The following ADGRV1 variants were observed in gnomAD, a reference collection of about 807,000 sequenced individuals.
ADGRV1 encodes the protein G-protein coupled receptor 98.
ADGRV1 carries 359 observed loss-of-function variants against 596.2 expected under a neutral mutation model. The ratio of observed to expected loss-of-function variants is 0.60; its 90% CI spans 0.55 to 0.66. The LOEUF (loss-of-function observed/expected upper bound fraction) is 0.66. ADGRV1 is among the 30% of genes least tolerant of loss of function. The pLI is 0.00. For synonymous variants in ADGRV1, 2,681 were observed against 2,679.2 expected (o/e 1.00, Z -0.02); for missense variants, 7,274 against 7,575.6 (o/e 0.96, Z 1.48).
At chr5:90,903,670 T>C (rs1041306221) in intron 83 of ADGRV1, among the ~76,000 whole-genome samples, 10 of 152,042 alleles carry the variant, frequency 6.6e-5, no homozygotes, top group Admixed American at 4.6e-4. Context: ...ATTTACACAG[T>C]ACGTGACATG....
rs372503401 is a variant in ADGRV1, at chr5:90,811,442, G to T, written c.16078+104G>T. On this transcript the variant is annotated intron_variant, in intron 74 of 89. Coordinates refer to ENST00000405460, the MANE Select transcript of ADGRV1 (RefSeq NM_032119.4). ...TAATGGAAGAAGGTGAAGTTCTTAA[G>T]TTATTCATAGGAATGCATTAAAGTG... 12 of 1,090,450 alleles carry T rather than the reference G, an allele frequency of 1.1e-5. No homozygotes were observed. The African/African-American group carries it at 1.4e-4, about 13-fold the overall frequency. 67.5% of individuals were successfully genotyped at this position (1,090,450 alleles called of 1,614,324 possible). A position where few individuals can be genotyped will look rare whatever the true frequency, so the allele number is the denominator to read the frequency against.
intron 87 of ADGRV1, among the ~76,000 whole-genome samples, chr5:91,130,170 C>A (rs1794092076): frequency 6.6e-6 from 1 of 150,854 alleles, no homozygotes; most frequent in Non-Finnish European, 1.5e-5. Flanking sequence ...TTCCATTCAG[C>A]TAAAGTCATC....
At chr5:91,079,537 C>T (rs1473894233) in intron 86 of ADGRV1, among the ~76,000 whole-genome samples, 1 of 152,130 alleles carries the variant, frequency 6.6e-6, no homozygotes, top group Non-Finnish European at 1.5e-5. Flanking sequence ...ACTCCTAGAA[C>T]AATAACATCA....
At chr5:91,045,466 A>C (rs1181446734) in intron 85 of ADGRV1, among the ~76,000 whole-genome samples, 1 of 152,206 alleles carries the variant, frequency 6.6e-6, no homozygotes, top group Non-Finnish European at 1.5e-5. Flanking sequence ...GATGCAGAAA[A>C]AGCATTTGAC....
intron 59 of ADGRV1, among the ~76,000 whole-genome samples, chr5:90,771,828 CTA>C (rs1339908491): frequency 6.6e-6 from 1 of 152,120 alleles, no homozygotes; most frequent in Non-Finnish European, 1.5e-5. Context: ...CTTGATTGAG[CTA>C]AGTAGGCTCT....
chr5:90,804,737 C>T (rs1321040404), intron 71 of ADGRV1, among the ~76,000 whole-genome samples: 3 of 151,902 alleles, frequency 2.0e-5, no homozygotes, highest in Admixed American at 6.6e-5. Context: ...ACCCTGGGAA[C>T]GTTGCACATA....
chr5:90,717,190 A>G (rs965869779), intron 43 of ADGRV1: 1 of 152,474 alleles, frequency 6.6e-6, no homozygotes, highest in Admixed American at 6.5e-5. Flanking sequence ...AAAATGCTGG[A>G]TTTGGGATAA....
chr5:90,635,079 A>G (rs1468085796), intron 9 of ADGRV1, 35 bp from the exon 10 acceptor site: 2 of 1,393,714 alleles, frequency 1.4e-6, no homozygotes, highest in African/African-American at 1.4e-5. Flanking sequence ...TATTCTATCA[A>G]TTCTTACTAC....
chr5:91,118,605 A>G (rs776271271), intron 87 of ADGRV1, among the ~76,000 whole-genome samples: 4 of 152,038 alleles, frequency 2.6e-5, no homozygotes, highest in Non-Finnish European at 5.9e-5. Flanking sequence ...AATAAATAAT[A>G]CATAAATGCA....
In ADGRV1 at chr5:90,647,616, AAG is replaced by A; in HGVS notation, c.3151_3152del (p.Asp1051PhefsTer5). The A allele has an allele frequency of 6.2e-7, 1 of 1,613,714 alleles. No homozygotes were observed. Among genetic ancestry groups the A allele is most frequent in the Non-Finnish European group, 8.5e-7 (1 of 1,179,764 alleles). On this transcript the variant is annotated frameshift_variant, in exon 17 of 90. Transcript: ENST00000405460. LOFTEE classifies it high-confidence loss of function. ...YATKDGKATARERDFIPVEKG... is the reference protein window; with the variant it reads ...YATKDGKATAXERDFIPVEKG... ...CTACCAAGGATGGGAAGGCTACTGC[AAG>A]AGAGAGAGATTTCATTCCTGTTGAA...
rs557617745 is a variant in ADGRV1, at chr5:90,587,144, C to A, written c.23-27691C>A. 2.0e-5 allele frequency among the ~76,000 whole-genome samples: 3 copies of A among 152,304 alleles called. No homozygotes were observed. The South Asian group carries it at 6.2e-4, about 32-fold the overall frequency. On this transcript the variant is annotated intron_variant, in intron 1 of 89. Coordinates refer to ENST00000405460, the MANE Select transcript of ADGRV1 (RefSeq NM_032119.4). ...ATATATTCCACGTGTTTCAAACAAT[C>A]ACATTCATTATCCCTTTAGATACTC...
chr5:90,682,919 G>A (rs950808881), intron 27 of ADGRV1, among the ~76,000 whole-genome samples: 2 of 152,058 alleles, frequency 1.3e-5, no homozygotes, highest in African/African-American at 4.8e-5. Flanking sequence ...TGATGAGTTT[G>A]TTTACATAAA....
rs543398300 is a variant in ADGRV1, at chr5:90,724,508, C to T, written c.9749-324C>T. 1.8e-4 allele frequency among the ~76,000 whole-genome samples: 28 copies of T among 152,290 alleles called. 1 individual carries two copies. The highest frequency in any genetic ancestry group is 8.5e-4 in the Admixed American group (13 of 15,302). On this transcript the variant is annotated intron_variant, in intron 45 of 89. Coordinates refer to ENST00000405460, the MANE Select transcript of ADGRV1 (RefSeq NM_032119.4). ...CCTCCCAAAATTCTGGGATTACAGG[C>T]GTGAGCCACCATGCCCAGCCACATT...
chr5:90,647,764 G>T lies in ADGRV1; in HGVS notation c.3289G>T (p.Gly1097Cys). The change falls in exon 17 of 90, where the codon GGT becomes TGT. Residue 1097 changes from glycine (G) to cysteine (C), a missense_variant and splice_region_variant. This residue lies in a region of ADGRV1 where 1,715 missense variants were observed against 1,708.8 expected (regional missense o/e 1.00). Coordinates refer to ENST00000405460, the MANE Select transcript of ADGRV1 (RefSeq NM_032119.4). ...TTATATAATCCTCTTGAATTCAACA[G>T]GTAAGTAAATTATGCTTTTTTATGG... ...PFYIILLNST[G>C]DTVVYQYGVA... 2 of 1,609,284 alleles carry T rather than the reference G, an allele frequency of 1.2e-6. No homozygotes were observed. The highest frequency in any genetic ancestry group is 8.5e-7 in the Non-Finnish European group (1 of 1,177,162).
At chr5:90,651,488 A>G (rs1580600280) in intron 17 of ADGRV1, 116 bp from the exon 18 acceptor site, 1 of 873,284 alleles carries the variant, frequency 1.1e-6, no homozygotes, top group East Asian at 2.8e-5. Flanking sequence ...ACCTTCAGTG[A>G]GGAAATTCTT....
chr5:90,807,617 C>T lies in ADGRV1; in HGVS notation c.14852C>T (p.Ser4951Phe), dbSNP rs1187404598. 6.2e-7 allele frequency: 1 copy of T among 1,612,104 alleles called. No homozygotes were observed. The highest frequency in any genetic ancestry group is 2.2e-5 in the East Asian group (1 of 44,840). The stretch of plus-strand genomic sequence containing the variant: ...TTTCTTTCAGGGAGCCTTTCATTTT[C>T]CCACGGTGAACAAAGGAAAGGAGTT... ...MTPTLGSLSFSHGEQRKGVFL... is the reference protein window; with the variant it reads ...MTPTLGSLSFFHGEQRKGVFL... The change falls in exon 73 of 90, where the codon TCC becomes TTC. Residue 4951 changes from serine (S) to phenylalanine (F), a missense_variant. Physicochemically the swap from Ser to Phe is radical, Grantham distance 155. Around this residue, in one of 5 missense-constraint regions of ADGRV1, gnomAD observed 1,874 missense variants for 1,970.2 expected, o/e 0.95. Transcript: ENST00000405460.
intron 79 of ADGRV1, among the ~76,000 whole-genome samples, chr5:90,851,369 A>C (rs1581322212): frequency 6.6e-6 from 1 of 152,022 alleles, no homozygotes; most frequent in African/African-American, 2.4e-5. Flanking sequence ...GAAGATGACA[A>C]ATTGAACACA....
At chr5:90,919,202 C>T (rs1440913283) in intron 83 of ADGRV1, among the ~76,000 whole-genome samples, 1 of 152,218 alleles carries the variant, frequency 6.6e-6, no homozygotes. Flanking sequence ...GCATAGAACT[C>T]ATGTAATTAT....
Position 90,810,796 on chromosome 5 carries a change from T to A in ADGRV1, c.15536T>A (p.Val5179Asp). The A allele has an allele frequency of 3.7e-6, 6 of 1,614,008 alleles. No homozygotes were observed. Among genetic ancestry groups the A allele is most frequent in the Non-Finnish European group, 5.1e-6 (6 of 1,179,884 alleles). ...CAGCCAACCAACGTGGTTGCCATTG[T>A]TACTGAGGCAACTGGTGTATCTGCC... ...ILQPTNVVAIVTEATGVSAIP... is the reference protein window; with the variant it reads ...ILQPTNVVAIDTEATGVSAIP... Residue 5179 changes from valine to aspartate, a missense_variant, in exon 74 of 90, where the codon GTT becomes GAT. Val to Asp is a radical substitution (Grantham distance 152, BLOSUM62 -3). This residue lies in a region of ADGRV1 where 1,874 missense variants were observed against 1,970.2 expected (regional missense o/e 0.95). Transcript: ENST00000405460.
Sources: gnomAD v4.1 joint callset for allele counts (sites outside exome capture counted in the v4.1 genomes callset) on GRCh38, gnomAD v4.1.1 for gene constraint, gnomAD v4.1.1 regional missense constraint, MANE v1.5 for transcripts, NCBI Gene and HGNC (gene_info 2026-07-23, HGNC 2026-07-21) for gene names.